The following CDON variants were observed in gnomAD, a reference collection of about 807,000 sequenced individuals.
CDON encodes cell adhesion associated, oncogene regulated, also known as cell adhesion molecule-related/down-regulated by oncogenes.
Under a neutral mutation model 120.9 loss-of-function variants are expected in CDON, and 73 were observed. The ratio of observed to expected loss-of-function variants is 0.60; its 90% confidence interval spans 0.50 to 0.73. CDON has a LOEUF of 0.73. Among genes scored for constraint, CDON ranks in the 30% least tolerant of loss-of-function variants. The probability of loss-of-function intolerance (pLI) is 0.00; values close to 1 mark genes in which losing one functional copy is unlikely to be tolerated. For missense variants in CDON, 1,470 were observed against 1,587.3 expected, an observed-to-expected ratio of 0.93 and a Z score of 1.26; for synonymous variants, 566 against 573.5, an observed-to-expected ratio of 0.99 and a Z score of 0.19.
At chr11:126,048,003 G>C (rs760246789) in intron 1 of CDON, among the ~76,000 whole-genome samples, 1 of 152,146 alleles carries the variant, frequency 6.6e-6, no homozygotes, top group East Asian at 1.9e-4. Flanking sequence ...TTCAGCCGTC[G>C]TGGTGGCTCC....
intron 1 of CDON, among the ~76,000 whole-genome samples, chr11:126,053,867 C>T (rs1411595033): frequency 6.6e-6 from 1 of 151,748 alleles, no homozygotes; most frequent in East Asian, 1.9e-4. Context: ...ATTGTTACTG[C>T]CTGTTATTCA....
At position 125,960,872 on chromosome 11, in the gene CDON, G is replaced by A; in HGVS notation, c.*70C>T. On this transcript the variant is annotated 3_prime_UTR_variant, in exon 20 of 20. Transcript: ENST00000531738. ...GATTTGAATTAAGGTCCTTCACACA[G>A]TTCGCTCCCAGGCCTGTTGTGTGCA... is the stretch of plus-strand genomic sequence containing the variant. 7.1e-7 allele frequency: 1 copy of A among 1,409,226 alleles called. No homozygotes were observed. The allele number at this position is 1,409,226 out of a possible 1,614,324, so 87.3% of individuals were successfully genotyped here.
At chr11:125,986,363 C>T (rs573401095) in intron 15 of CDON, among the ~76,000 whole-genome samples, 2 of 152,058 alleles carry the variant, frequency 1.3e-5, no homozygotes, top group African/African-American at 2.4e-5. Flanking sequence ...CAAACCAACA[C>T]GGCACATGTA....
Position 125,978,350 on chromosome 11 carries a change from C to A in CDON, c.3310G>T (p.Asp1104Tyr). Residue 1104 changes from aspartate to tyrosine, a missense_variant, in exon 18 of 20, where the codon GAC becomes TAC. By Grantham distance (160) the Asp-to-Tyr change is radical. Coordinates refer to ENST00000531738, the MANE Select transcript of CDON (RefSeq NM_001378964.1). ...CGGCAGTTAACACACTCCAGAGGGT[C>A]AATCTGAGGCACGGCCGTGTACATT... ...GGMYTAVPQIDPLECVNCRNC... is the reference protein window; with the variant it reads ...GGMYTAVPQIYPLECVNCRNC... The A allele has an allele frequency of 6.2e-7, 1 of 1,610,002 alleles. No individual in the cohort carries two copies. The highest frequency in any genetic ancestry group is 8.5e-7 in the Non-Finnish European group (1 of 1,177,594).
chr11:125,965,793 G>A (rs929742025), intron 18 of CDON, among the ~76,000 whole-genome samples: 6 of 152,264 alleles, frequency 3.9e-5, no homozygotes, highest in Admixed American at 3.3e-4. Flanking sequence ...TTCTAGAGGG[G>A]AAAACATCTT....
rs1565501813 is a variant in CDON, at chr11:125,981,963, C to CTTTTTTTTT, written c.2996-635_2996-634insAAAAAAAAA. Among the ~76,000 whole-genome samples, 93 of 34,126 alleles carry CTTTTTTTTT rather than the reference C, an allele frequency of 2.7e-3. 5 individuals are homozygous for CTTTTTTTTT. The highest frequency in any genetic ancestry group is 0.04 in the Middle Eastern group (2 of 50). The allele number at this position is 34,126 out of a possible 152,430, so 22.4% of individuals were successfully genotyped here. A position where few individuals can be genotyped will look rare whatever the true frequency, so the allele number is the denominator to read the frequency against. On this transcript the variant is annotated intron_variant, in intron 16 of 19. Transcript: ENST00000531738. Reference sequence around the variant, plus strand: ...GGAGTACCAAAGGCAAAAAGTGATTCTATTTTCTTTTTTTTTTTTTTTTTT... The same window carrying CTTTTTTTTT: ...GGAGTACCAAAGGCAAAAAGTGATTCTTTTTTTTTTATTTTCTTTTTTTTTTTTTTTTTT...
At chr11:126,058,268 C>G (rs1948721231) in intron 1 of CDON, among the ~76,000 whole-genome samples, 1 of 152,198 alleles carries the variant, frequency 6.6e-6, no homozygotes, top group African/African-American at 2.4e-5. Flanking sequence ...CACATTCCAA[C>G]AGATATACAG....
chr11:125,961,074 GA>G lies in CDON; in HGVS notation c.3662del (p.Ile1221ThrfsTer4). 1.2e-6 allele frequency: 2 copies of G among 1,613,898 alleles called. No homozygotes were observed. The highest frequency in any genetic ancestry group is 1.1e-5 in the South Asian group (1 of 90,896). ...TAAGAGCATTCCAACTTACAATGTTGATCTCTGTTTCTGAATGGGCACAGCT... is the reference window on the plus strand; with the variant it reads ...TAAGAGCATTCCAACTTACAATGTTGTCTCTGTTTCTGAATGGGCACAGCT... ...GDSCAHSETE[I>X]NIVSWNALIL... On this transcript the variant is annotated frameshift_variant, in exon 20 of 20. Coordinates refer to ENST00000531738, the MANE Select transcript of CDON (RefSeq NM_001378964.1). LOFTEE classifies it high-confidence loss of function.
intron 5 of CDON, 69 bp from the exon 6 acceptor site, chr11:126,017,444 G>A (rs758632117): frequency 3.7e-5 from 54 of 1,445,306 alleles, no homozygotes; most frequent in Non-Finnish European, 5.1e-5. Flanking sequence ...TAGCAAACCT[G>A]TGGGCATCAC....
At position 126,047,552 on chromosome 11, in the gene CDON, A is replaced by G. The variant is rs905296594; in HGVS notation, c.-62+15027T>C. On this transcript the variant is annotated intron_variant, in intron 1 of 19. Transcript: ENST00000531738. ...AGCACTCCATCTCAAACAGAACAAC[A>G]GAACAGCAACAGCAACTGCTCGCAT... is the stretch of plus-strand genomic sequence containing the variant. Among the ~76,000 whole-genome samples, 26 of 152,236 alleles carry G rather than the reference A, an allele frequency of 1.7e-4. 1 individual carries two copies. The highest frequency in any genetic ancestry group is 4.6e-4 in the Admixed American group (7 of 15,284).
At chr11:126,012,623 G>A (rs527848773) in intron 7 of CDON, among the ~76,000 whole-genome samples, 1 of 149,108 alleles carries the variant, frequency 6.7e-6, no homozygotes, top group East Asian at 2.0e-4. Flanking sequence ...TGCCCAGGCT[G>A]GCCTCGAACT....
intron 8 of CDON, among the ~76,000 whole-genome samples, 159 bp downstream of exon 8, chr11:126,010,182 A>G (rs997653501): frequency 2.6e-5 from 4 of 152,234 alleles, no homozygotes; most frequent in African/African-American, 9.6e-5. Context: ...TGATTCACAT[A>G]AAGTGAAATA....
intron 2 of CDON, 122 bp from the exon 3 acceptor site, chr11:126,021,642 T>C (rs1177384688): frequency 2.3e-6 from 2 of 875,890 alleles, no homozygotes; most frequent in Admixed American, 5.4e-5. Context: ...TTATTTTATA[T>C]ATGTTATGGT....
At chr11:125,997,789 T>C (rs977255912) in intron 11 of CDON, among the ~76,000 whole-genome samples, 1 of 152,216 alleles carries the variant, frequency 6.6e-6, no homozygotes, top group African/African-American at 2.4e-5. Context: ...CTTATTTAAA[T>C]GTTTTTCTTC....
chr11:126,021,290 T>G lies in CDON; in HGVS notation c.307A>C (p.Ile103Leu). The G allele has an allele frequency of 6.2e-7, 1 of 1,614,136 alleles. No individual in the cohort carries two copies. Among genetic ancestry groups the G allele is most frequent in the Non-Finnish European group, 8.5e-7 (1 of 1,179,992 alleles). ...GYYQCLANNSIGAIVSGPATV... is the reference protein window; with the variant it reads ...GYYQCLANNSLGAIVSGPATV... ...GCAGGGCCACTCACAATGGCACCGATGCTATTGTTGGCAAGGCACTGGTAG... is the reference window on the plus strand; with the variant it reads ...GCAGGGCCACTCACAATGGCACCGAGGCTATTGTTGGCAAGGCACTGGTAG... The change falls in exon 3 of 20, where the codon ATC becomes CTC. Residue 103 changes from isoleucine to leucine, a missense_variant. Physicochemically the swap from Ile to Leu is conservative, Grantham distance 5 (BLOSUM62 2). Transcript: ENST00000531738.
chr11:126,021,276 C>G lies in CDON; in HGVS notation c.321G>C (p.Val107=). 1.2e-6 allele frequency: 2 copies of G among 1,614,092 alleles called. No homozygotes were observed. ...CCACAGATACTGTCGCAGGGCCACT[C>G]ACAATGGCACCGATGCTATTGTTGG... ...CLANNSIGAI[V]SGPATVSVAV... The change falls in exon 3 of 20, where the codon GTG becomes GTC. Residue 107 remains valine, a synonymous_variant. Coordinates refer to ENST00000531738, the MANE Select transcript of CDON (RefSeq NM_001378964.1).
chr11:126,010,358 T>C lies in CDON; in HGVS notation c.1535A>G (p.Glu512Gly). 6.2e-7 allele frequency: 1 copy of C among 1,610,170 alleles called. No individual in the cohort carries two copies. The highest frequency in any genetic ancestry group is 1.7e-5 in the Admixed American group (1 of 59,566). ...AANEHGTTQAEASLMVVPFET... is the reference protein window; with the variant it reads ...AANEHGTTQAGASLMVVPFET... The stretch of plus-strand genomic sequence containing the variant: ...CAACTCACCAACCATGAGAGATGCT[T>C]CTGCCTGTGTGGTACCATGTTCATT... The change falls in exon 8 of 20, where the codon GAA becomes GGA. Residue 512 changes from glutamate to glycine, a missense_variant. By Grantham distance (98) the Glu-to-Gly change is moderately conservative (BLOSUM62 -2). Transcript: ENST00000531738.
At chr11:125,963,075 C>CT (rs1396881458) in intron 18 of CDON, among the ~76,000 whole-genome samples, 1 of 152,004 alleles carries the variant, frequency 6.6e-6, no homozygotes, top group Non-Finnish European at 1.5e-5. Context: ...ACTCAGTTCT[C>CT]TGATAGCTTC....
chr11:125,963,863 A>C (rs1031311906), intron 18 of CDON, among the ~76,000 whole-genome samples: 2 of 152,216 alleles, frequency 1.3e-5, no homozygotes, highest in African/African-American at 4.8e-5. Flanking sequence ...GTCTTCAGTG[A>C]ATAAATAGTG....
Sources: allele counts gnomAD v4.1 joint callset (sites outside exome capture counted in the v4.1 genomes callset), GRCh38; gene constraint gnomAD v4.1.1; transcripts MANE v1.5; gene names NCBI Gene and HGNC (gene_info 2026-07-23, HGNC 2026-07-21).